Variants in IPO8 observed in about 807,000 individuals in gnomAD.
The protein encoded by IPO8 is importin-8.
IPO8 carries 65 observed loss-of-function variants against 141.2 expected under a neutral mutation model. The observed-to-expected ratio is 0.46, with a 90% CI of 0.38 to 0.57. IPO8 has a LOEUF of 0.57. Ranked by LOEUF, IPO8 falls within the 20% of genes least tolerant of loss-of-function variation. IPO8 has a pLI of 0.00. For missense variants in IPO8, 980 were observed against 1,246.8 expected (o/e 0.79, Z 3.22); for synonymous variants, 411 against 420.3 (o/e 0.98, Z 0.27).
chr12:30,673,442 T>C (rs915830921), intron 8 of IPO8, among the ~76,000 whole-genome samples: 2 of 152,194 alleles, frequency 1.3e-5, no homozygotes, highest in Non-Finnish European at 2.9e-5. Context: ...CACTTGTCCT[T>C]TGTAGCTTTT....
At chr12:30,667,663 C>A (rs10843813) in intron 10 of IPO8, among the ~76,000 whole-genome samples, 31,906 of 152,066 alleles carry the variant, frequency 0.21, 3,543 homozygotes, top group East Asian at 0.3. Context: ...AGAAAACTCA[C>A]TTCAGCTAGT....
intron 17 of IPO8, 40 bp from the exon 18 acceptor site, chr12:30,653,132 A>T (rs1224385596): frequency 6.3e-7 from 1 of 1,587,264 alleles, no homozygotes; most frequent in Non-Finnish European, 8.6e-7. Context: ...GCTAGGAAAT[A>T]GCAAAAGTTA....
chr12:30,674,623 G>C (rs781172873), intron 7 of IPO8, 36 bp downstream of exon 7: 2 of 1,377,430 alleles, frequency 1.5e-6, no homozygotes, highest in African/African-American at 2.9e-5. Flanking sequence ...TGAGATACTG[G>C]CTGTATGATC....
intron 23 of IPO8, among the ~76,000 whole-genome samples, chr12:30,632,292 C>G (rs1241496566): frequency 6.6e-6 from 1 of 152,176 alleles, no homozygotes; most frequent in East Asian, 1.9e-4. Context: ...TATGGATGTT[C>G]TCTAAAATCC....
In IPO8 at chr12:30,695,686, G is replaced by A. The variant is rs1327554507; in HGVS notation, c.-39C>T. 13 of 1,575,818 alleles carry A rather than the reference G, an allele frequency of 8.2e-6. No homozygotes were observed. Among genetic ancestry groups the A allele is most frequent in the South Asian group, 1.1e-5 (1 of 89,990 alleles). On this transcript the variant is annotated 5_prime_UTR_variant, in exon 1 of 25. Coordinates refer to ENST00000256079, the MANE Select transcript of IPO8 (RefSeq NM_006390.4). The surrounding 1 kb of genome is among the most constrained non-coding windows in gnomAD (Gnocchi z 4.2). ...GGCTCCGCGGCCCCCGGAACAGTAG[G>A]CCGGACTGCAGCTTTAGTTTTCTTT...
chr12:30,685,610 T>C lies in IPO8; in HGVS notation c.167-1153A>G, dbSNP rs184812300. Among the ~76,000 whole-genome samples the C allele has an allele frequency of 5.3e-4, 80 of 151,872 alleles. 1 individual carries two copies. The East Asian group carries it at 0.011, about 22-fold the overall frequency. ...TCTTCTTTCCCCACCCAACTCTTTC[T>C]TCACCCAACTTTTAACATATAACTA... On this transcript the variant is annotated intron_variant, in intron 2 of 24. Coordinates refer to ENST00000256079, the MANE Select transcript of IPO8 (RefSeq NM_006390.4).
Position 30,695,471 on chromosome 12 carries a change from G to A in IPO8, c.84+93C>T. The A allele has an allele frequency of 8.9e-7, 1 of 1,118,764 alleles. No homozygotes were observed. The allele number at this position is 1,118,764 out of a possible 1,614,324, so 69.3% of individuals were successfully genotyped here. A position where few individuals can be genotyped will look rare whatever the true frequency, so the allele number is the denominator to read the frequency against. ...GAGGCGTCAGCCCCAGCCCGGTGGG[G>A]GTGAGGACGAGGGGCGCCGGGGAGA... On this transcript the variant is annotated intron_variant, in intron 1 of 24. Coordinates refer to ENST00000256079, the MANE Select transcript of IPO8 (RefSeq NM_006390.4). The surrounding 1 kb of genome is among the most constrained non-coding windows in gnomAD (Gnocchi z 4.2).
chr12:30,665,513 T>G (rs976276561), intron 12 of IPO8, among the ~76,000 whole-genome samples: 1 of 152,218 alleles, frequency 6.6e-6, no homozygotes, highest in Non-Finnish European at 1.5e-5. Context: ...ATAAGATACT[T>G]TGTATCCCTT....
At chr12:30,636,458 A>C (rs1169903875) in intron 22 of IPO8, among the ~76,000 whole-genome samples, 1 of 152,128 alleles carries the variant, frequency 6.6e-6, no homozygotes, top group African/African-American at 2.4e-5. Flanking sequence ...CACTTCATTT[A>C]TGTACTTTAC....
intron 22 of IPO8, 36 bp from the exon 23 acceptor site, chr12:30,634,322 C>T (rs1246146220): frequency 6.5e-7 from 1 of 1,527,312 alleles, no homozygotes; most frequent in East Asian, 2.2e-5. Flanking sequence ...GGAATCAAAA[C>T]ACATAAGGAC....
At chr12:30,636,935 A>G in intron 22 of IPO8, 47 bp downstream of exon 22, 1 of 1,516,844 alleles carries the variant, frequency 6.6e-7, no homozygotes, top group Non-Finnish European at 9.1e-7. Context: ...AAATGCATAC[A>G]CAAATCAAAA....
intron 16 of IPO8, among the ~76,000 whole-genome samples, chr12:30,657,321 C>T (rs751408458): frequency 6.6e-6 from 1 of 151,952 alleles, no homozygotes; most frequent in African/African-American, 2.4e-5. Flanking sequence ...AAAAGATGTT[C>T]GTTATAATAC....
At chr12:30,642,943 T>G (rs112660213) in intron 20 of IPO8, among the ~76,000 whole-genome samples, 1 of 152,174 alleles carries the variant, frequency 6.6e-6, no homozygotes, top group African/African-American at 2.4e-5. Flanking sequence ...TTTGGATCTA[T>G]ACATTCATAA....
At position 30,677,003 on chromosome 12, in the gene IPO8, A is replaced by C; in HGVS notation, c.640-416T>G. ...ATTACTTTCCTCTACACTGTAGCAT[A>C]ATAACTACAGTCCACTTTGTACTAA... On this transcript the variant is annotated intron_variant, in intron 5 of 24. Transcript: ENST00000256079. 2.0e-6 allele frequency: 3 copies of C among 1,521,668 alleles called. 1 individual carries two copies. In the South Asian group the frequency reaches 3.6e-5, roughly 18 times the overall value. 94.3% of individuals were successfully genotyped at this position (1,521,668 alleles called of 1,614,324 possible). A position where few individuals can be genotyped will look rare whatever the true frequency, so the allele number is the denominator to read the frequency against.
Position 30,670,980 on chromosome 12 carries a change from C to G in IPO8, c.1026G>C (p.Gln342His). ...QGVVHSITWK[Q>H]MKPHIQNISE... Reference sequence around the variant, plus strand: ...CACTAACCTGTATGTGTGGCTTCATCTGCTTCCAGGTTATAGAATGAACCA... The same window carrying G: ...CACTAACCTGTATGTGTGGCTTCATGTGCTTCCAGGTTATAGAATGAACCA... The change falls in exon 9 of 25, where the codon CAG (glutamine) becomes CAC (histidine). Residue 342 changes from glutamine (Q) to histidine (H), a missense_variant. By Grantham distance (24) the Gln-to-His change is conservative (BLOSUM62 0). Around this residue, in one of 3 missense-constraint regions of IPO8, gnomAD observed 924 missense variants for 1,153.9 expected, o/e 0.80. Transcript: ENST00000256079. The G allele has an allele frequency of 6.2e-7, 1 of 1,613,286 alleles. No homozygotes were observed. Among genetic ancestry groups the G allele is most frequent in the Non-Finnish European group, 8.5e-7 (1 of 1,179,522 alleles).
intron 9 of IPO8, among the ~76,000 whole-genome samples, chr12:30,669,680 C>T (rs1275870214): frequency 1.3e-5 from 2 of 151,740 alleles, no homozygotes; most frequent in Non-Finnish European, 2.9e-5. Context: ...CTTGGAGGGT[C>T]TCTTGAGCCT....
At chr12:30,641,541 A>AC (rs1243242201) in intron 20 of IPO8, among the ~76,000 whole-genome samples, 2 of 141,146 alleles carry the variant, frequency 1.4e-5, no homozygotes, top group African/African-American at 5.2e-5. Flanking sequence ...TTGCTCTGTC[A>AC]CCCAGGCTAG....
intron 17 of IPO8, among the ~76,000 whole-genome samples, chr12:30,654,731 G>A (rs1565498488): frequency 6.6e-6 from 1 of 151,942 alleles, no homozygotes; most frequent in Non-Finnish European, 1.5e-5. Flanking sequence ...TAGAGAAAAA[G>A]GAAACTGTTG....
intron 11 of IPO8, 99 bp downstream of exon 11, chr12:30,666,076 G>T: frequency 1.2e-6 from 1 of 826,578 alleles, no homozygotes; most frequent in African/African-American, 1.7e-5. Flanking sequence ...AAATTATAAC[G>T]AATAACAACA....
Sources: allele counts gnomAD v4.1 joint callset (sites outside exome capture counted in the v4.1 genomes callset), GRCh38; gene constraint gnomAD v4.1.1; regional missense constraint gnomAD v4.1.1; non-coding constraint Gnocchi (gnomAD v3.1); transcripts MANE v1.5; gene names NCBI Gene and HGNC (gene_info 2026-07-23, HGNC 2026-07-21).